SMIM19: variants seen among roughly 807,000 people sequenced by gnomAD.
SMIM19 encodes small integral membrane protein 19.
A neutral mutation model predicts 13.2 loss-of-function variants in SMIM19; 6 were observed. That is an observed-to-expected ratio of 0.45 (90% CI 0.25 to 0.90). The LOEUF is 0.90. SMIM19 is among the 40% of genes least tolerant of loss of function. SMIM19 has a pLI of 0.19. For missense variants in SMIM19, 138 were observed against 131.0 expected, an observed-to-expected ratio of 1.05 and a Z score of -0.26; for synonymous variants, 46 against 43.1, an observed-to-expected ratio of 1.07 and a Z score of -0.27.
chr8:42,547,951 T>G (rs1395079839), intron 2 of SMIM19, among the ~76,000 whole-genome samples: 2 of 152,140 alleles, frequency 1.3e-5, no homozygotes, highest in Non-Finnish European at 2.9e-5. Flanking sequence ...GAGTTCAAGG[T>G]AATTAGTAAT....
rs578187468 is a variant in SMIM19, at chr8:42,541,826, C to A, written c.-552C>A. 1 of 151,596 alleles carries A rather than the reference C, an allele frequency of 6.6e-6. No homozygotes were observed. The highest frequency in any genetic ancestry group is 2.4e-5 in the African/African-American group (1 of 41,382). The allele number at this position is 151,596 out of a possible 1,614,324, so 9.4% of individuals were successfully genotyped here. A position where few individuals can be genotyped will look rare whatever the true frequency, so the allele number is the denominator to read the frequency against. On this transcript the variant is annotated 5_prime_UTR_variant, in exon 1 of 4. Coordinates refer to ENST00000417410, the MANE Select transcript of SMIM19 (RefSeq NM_001135674.2). The stretch of plus-strand genomic sequence containing the variant: ...TAAGGGGGGTGGCCGCCCGCCTGCC[C>A]TCGGTCCCGTGCGGTCCCCGAAACT...
rs1255226174 is a variant in SMIM19, at chr8:42,554,527, A to T, written c.*1919A>T. 1.3e-5 allele frequency: 2 copies of T among 152,242 alleles called. No homozygotes were observed. Among genetic ancestry groups the T allele is most frequent in the Non-Finnish European group, 2.9e-5 (2 of 68,044 alleles). 9.4% of individuals were successfully genotyped at this position (152,242 alleles called of 1,614,324 possible). On this transcript the variant is annotated 3_prime_UTR_variant, in exon 4 of 4. Coordinates refer to ENST00000417410, the MANE Select transcript of SMIM19 (RefSeq NM_001135674.2). The stretch of plus-strand genomic sequence containing the variant: ...TAACTACAAACTAGTAGATTATTTG[A>T]TGAGCATCAAGCCCTGGCAAGTGAC...
At chr8:42,546,065 G>A (rs1312004727) in intron 1 of SMIM19, among the ~76,000 whole-genome samples, 3 of 152,034 alleles carry the variant, frequency 2.0e-5, no homozygotes, top group Non-Finnish European at 2.9e-5. Flanking sequence ...ATCAAAATCC[G>A]TAGATGCCCA....
chr8:42,552,452 G>C (rs1813704507), intron 3 of SMIM19, 92 bp from the exon 4 acceptor site: 1 of 1,338,292 alleles, frequency 7.5e-7, no homozygotes, highest in Non-Finnish European at 1.0e-6. Flanking sequence ...TCTTCATTGA[G>C]AATCATGACT....
At chr8:42,548,590 C>G in intron 2 of SMIM19, 66 bp from the exon 3 acceptor site, 1 of 1,591,274 alleles carries the variant, frequency 6.3e-7, no homozygotes, top group Admixed American at 1.7e-5. Context: ...TGACCAGGAT[C>G]ATGAGCATAT....
intron 3 of SMIM19, among the ~76,000 whole-genome samples, chr8:42,551,297 G>A (rs867365666): frequency 1.4e-4 from 19 of 136,984 alleles, no homozygotes; most frequent in African/African-American, 4.8e-4. Context: ...TAGCCTGGGC[G>A]ACAGAGCGAG....
chr8:42,542,432 A>G lies in SMIM19; in HGVS notation c.-5+59A>G, dbSNP rs916253106. The G allele has an allele frequency of 6.1e-6, 6 of 985,304 alleles. No individual in the cohort carries two copies. In the African/African-American group the frequency reaches 8.7e-5, roughly 14 times the overall value. 61.0% of individuals were successfully genotyped at this position (985,304 alleles called of 1,614,324 possible). Reference sequence around the variant, plus strand: ...TTAGTGTTTCAGAGGGATGAGAGAAAGAAATCCCATTTTTTGATGCAGAGG... The same window carrying G: ...TTAGTGTTTCAGAGGGATGAGAGAAGGAAATCCCATTTTTTGATGCAGAGG... On this transcript the variant is annotated intron_variant, in intron 1 of 3. Transcript: ENST00000417410.
chr8:42,543,924 T>A (rs1046382491), intron 1 of SMIM19, among the ~76,000 whole-genome samples: 1 of 152,022 alleles, frequency 6.6e-6, no homozygotes, highest in African/African-American at 2.4e-5. Context: ...CCAAACACGG[T>A]GGTGGTGGTT....
chr8:42,544,525 A>ATCTAAATAT lies in SMIM19; in HGVS notation c.-4-1944_-4-1943insTCTAAATAT, dbSNP rs61480099. On this transcript the variant is annotated intron_variant, in intron 1 of 3. Transcript: ENST00000417410. ...ATTGGGTATAGTCTAGTGTTTAAAC[A>ATCTAAATAT]ATATTTAGATAGTGCATCTGCAAAT... Among the ~76,000 whole-genome samples the ATCTAAATAT allele has an allele frequency of 3.2e-3, 492 of 151,790 alleles. 2 individuals are homozygous for ATCTAAATAT. The highest frequency in any genetic ancestry group is 9.0e-3 in the African/African-American group (373 of 41,350).
intron 1 of SMIM19, among the ~76,000 whole-genome samples, chr8:42,543,759 C>T (rs757341528): frequency 5.1e-4 from 78 of 152,140 alleles, no homozygotes; most frequent in Non-Finnish European, 1.0e-3. Flanking sequence ...AAATGACACC[C>T]GTGAAATGTT....
intron 1 of SMIM19, among the ~76,000 whole-genome samples, chr8:42,544,928 A>C (rs1813426349): frequency 6.6e-6 from 1 of 152,256 alleles, no homozygotes; most frequent in African/African-American, 2.4e-5. Context: ...GGACTCCTGC[A>C]AGACATTTTA....
Position 42,548,695 on chromosome 8 carries a change from T to C in SMIM19, c.174T>C (p.Pro58=), listed in dbSNP as rs1813567608. The C allele has an allele frequency of 1.2e-6, 2 of 1,613,918 alleles. No individual in the cohort carries two copies. Among genetic ancestry groups the C allele is most frequent in the Non-Finnish European group, 8.5e-7 (1 of 1,179,914 alleles). The part of the protein sequence containing the change: ...RRIMRIFSVP[P]TEETLSEPNF... ...TTATGAGGATATTCAGTGTGCCACCTACAGAGGAAACTTTGTCAGAGCCCA... is the reference window on the plus strand; with the variant it reads ...TTATGAGGATATTCAGTGTGCCACCCACAGAGGAAACTTTGTCAGAGCCCA... Residue 58 remains proline, a synonymous_variant, in exon 3 of 4, where the codon CCT becomes CCC. Transcript: ENST00000417410.
Position 42,542,051 on chromosome 8 carries a change from C to T in SMIM19, c.-327C>T, listed in dbSNP as rs1813246096. 1 of 152,276 alleles carries T rather than the reference C, an allele frequency of 6.6e-6. No individual in the cohort carries two copies. Among genetic ancestry groups the T allele is most frequent in the South Asian group, 2.1e-4 (1 of 4,828 alleles). 9.4% of individuals were successfully genotyped at this position (152,276 alleles called of 1,614,324 possible). On this transcript the variant is annotated 5_prime_UTR_variant, in exon 1 of 4. Transcript: ENST00000417410. Reference sequence around the variant, plus strand: ...CCTAGAGCCTCGCCGCCCTGGGACCCGGGCTGCTTCCTGGGAGAGGATTAC... The same window carrying T: ...CCTAGAGCCTCGCCGCCCTGGGACCTGGGCTGCTTCCTGGGAGAGGATTAC...
chr8:42,552,395 G>A (rs1212563070), intron 3 of SMIM19, 149 bp from the exon 4 acceptor site: 3 of 787,366 alleles, frequency 3.8e-6, no homozygotes, highest in East Asian at 2.7e-5. Context: ...TGCAGCCTGG[G>A]TATCAGAGGG....
At position 42,541,710 on chromosome 8, in the gene SMIM19, G is replaced by A. The variant is rs1466864844; in HGVS notation, c.-668G>A. On this transcript the variant is annotated 5_prime_UTR_variant, in exon 1 of 4. In the 5' UTR this introduces an upstream ATG that the reference lacks. Transcript: ENST00000417410. The stretch of plus-strand genomic sequence containing the variant: ...GCCGCCTCCGGAGCCGGCAGCGTGA[G>A]TGGCCCCGCGTCCCCGCTTCTCCCG... 6.7e-6 allele frequency: 1 copy of A among 149,298 alleles called. No homozygotes were observed. The highest frequency in any genetic ancestry group is 1.5e-5 in the Non-Finnish European group (1 of 67,076). The allele number at this position is 149,298 out of a possible 1,614,324, so 9.2% of individuals were successfully genotyped here.
Position 42,553,579 on chromosome 8 carries a change from C to T in SMIM19, c.*971C>T, listed in dbSNP as rs1813737898. The stretch of plus-strand genomic sequence containing the variant: ...TGTACTGTACAATGAAATGTTTTTA[C>T]CTAATTTTTCATGTTTATTTAAATA... On this transcript the variant is annotated 3_prime_UTR_variant, in exon 4 of 4. Coordinates refer to ENST00000417410, the MANE Select transcript of SMIM19 (RefSeq NM_001135674.2). The T allele has an allele frequency of 6.6e-6, 1 of 152,180 alleles. No homozygotes were observed. Among genetic ancestry groups the T allele is most frequent in the African/African-American group, 2.4e-5 (1 of 41,442 alleles). The allele number at this position is 152,180 out of a possible 1,614,324, so 9.4% of individuals were successfully genotyped here.
rs1000266422 is a variant in SMIM19 at position 42,547,336 on chromosome 8, G to A, written c.134+730G>A. On this transcript the variant is annotated intron_variant, in intron 2 of 3. Transcript: ENST00000417410. Reference sequence around the variant, plus strand: ...CGTGCCATTGCACTCCAGCCTGGGCGACAAAGTGAGACTCCATCTCAAAAA... The same window carrying A: ...CGTGCCATTGCACTCCAGCCTGGGCAACAAAGTGAGACTCCATCTCAAAAA... Among the ~76,000 whole-genome samples the A allele has an allele frequency of 2.7e-5, 4 of 147,664 alleles. No homozygotes were observed. In the South Asian group the frequency reaches 6.5e-4, roughly 24 times the overall value.
At chr8:42,545,224 C>CA (rs1813437085) in intron 1 of SMIM19, among the ~76,000 whole-genome samples, 1 of 152,198 alleles carries the variant, frequency 6.6e-6, no homozygotes, top group Non-Finnish European at 1.5e-5. Context: ...TTCTCAAACA[C>CA]AAAGAAGAAG....
At chr8:42,550,549 C>G (rs183337584) in intron 3 of SMIM19, among the ~76,000 whole-genome samples, 15 of 152,302 alleles carry the variant, frequency 9.8e-5, no homozygotes, top group Non-Finnish European at 1.9e-4. Context: ...ATCTGCAAAG[C>G]CAGGAGCATT....
Sources: allele counts gnomAD v4.1 joint callset (sites outside exome capture counted in the v4.1 genomes callset), GRCh38; gene constraint gnomAD v4.1.1; transcripts MANE v1.5; gene names NCBI Gene and HGNC (gene_info 2026-07-23, HGNC 2026-07-21).